Variants in TRIM71 observed in about 807,000 individuals in gnomAD.
TRIM71 encodes the protein E3 ubiquitin-protein ligase TRIM71.
In TRIM71, 9 loss-of-function variants were observed where a neutral mutation model predicts 61.2. The observed-to-expected ratio is 0.15, with a 90% confidence interval of 0.09 to 0.26. The LOEUF (loss-of-function observed/expected upper bound fraction) is 0.26, where lower values mean the gene tolerates loss of function less well. Ranked by LOEUF, TRIM71 falls within the 10% of genes least tolerant of loss-of-function variation. The probability of loss-of-function intolerance (pLI) is 1.00; values close to 1 mark genes in which losing one functional copy is unlikely to be tolerated. For missense variants in TRIM71, 998 were observed against 1,238.7 expected (o/e 0.81, Z 2.92); for synonymous variants, 645 against 553.2 (o/e 1.17, Z -2.33).
Position 32,818,196 on chromosome 3 carries a change from C to A in TRIM71, c.116C>A (p.Ser39Tyr). Residue 39 changes from serine to tyrosine, a missense_variant, in exon 1 of 4, where the codon TCC becomes TAC. Coordinates refer to ENST00000383763, the MANE Select transcript of TRIM71 (RefSeq NM_001039111.3). ...GCGTCGTCGTCCTCCTCGCAGACGT[C>A]CACGTCGTCGGGGGGCGGCGGCGGG... ...SSASSSSSQTSTSSGGGGGGP... is the reference protein window; with the variant it reads ...SSASSSSSQTYTSSGGGGGGP... 6.3e-7 allele frequency: 1 copy of A among 1,577,900 alleles called. No homozygotes were observed. The highest frequency in any genetic ancestry group is 1.1e-5 in the South Asian group (1 of 89,008).
At chr3:32,854,780 C>T (rs994362098) in intron 1 of TRIM71, among the ~76,000 whole-genome samples, 4 of 152,162 alleles carry the variant, frequency 2.6e-5, no homozygotes, top group African/African-American at 7.2e-5. Flanking sequence ...TTGCATAAGC[C>T]GTTATTTCCT....
At position 32,886,012 on chromosome 3, in the gene TRIM71, G is replaced by T; in HGVS notation, c.1099G>T (p.Val367Leu). 1 of 1,614,172 alleles carries T rather than the reference G, an allele frequency of 6.2e-7. No individual in the cohort carries two copies. Among genetic ancestry groups the T allele is most frequent in the Non-Finnish European group, 8.5e-7 (1 of 1,180,028 alleles). The change falls in exon 3 of 4, where the codon GTG (valine) becomes TTG (leucine). Residue 367 changes from valine to leucine, a missense_variant. Val to Leu is a conservative substitution (Grantham distance 32). Around this residue, in one of 5 missense-constraint regions of TRIM71, gnomAD observed 291 missense variants for 431.2 expected, o/e 0.67. Transcript: ENST00000383763. Reference protein sequence around the residue: ...AKVVQSEVKAVTARHKKALEE... With the variant: ...AKVVQSEVKALTARHKKALEE... ...GGTTGTGCAGTCGGAGGTCAAAGCCGTGACGGCGAGGCATAAGAAAGCCCT... is the reference window on the plus strand; with the variant it reads ...GGTTGTGCAGTCGGAGGTCAAAGCCTTGACGGCGAGGCATAAGAAAGCCCT...
chr3:32,882,586 C>T (rs892163661), intron 2 of TRIM71, among the ~76,000 whole-genome samples: 2 of 152,204 alleles, frequency 1.3e-5, no homozygotes, highest in Middle Eastern at 3.4e-3. Context: ...CTCTGTCACC[C>T]AGGCTGGGGG....
intron 1 of TRIM71, among the ~76,000 whole-genome samples, chr3:32,873,068 C>CCTCT (rs1175070781): frequency 3.7e-5 from 3 of 80,494 alleles, no homozygotes; most frequent in Non-Finnish European, 9.1e-5. Flanking sequence ...TCTCTTCCTC[C>CCTCT]CTCCCTCCCT....
chr3:32,882,727 A>G lies in TRIM71; in HGVS notation c.1021-3207A>G, dbSNP rs572920085. 2.1e-4 allele frequency among the ~76,000 whole-genome samples: 32 copies of G among 152,196 alleles called. 1 individual carries two copies. The highest frequency in any genetic ancestry group is 1.4e-3 in the Admixed American group (22 of 15,286). ...ATGCCTGGCTAATTTATTTTTTTGT[A>G]GAGACGGGGTCTCACTCTTGGCCAG... On this transcript the variant is annotated intron_variant, in intron 2 of 3. Coordinates refer to ENST00000383763, the MANE Select transcript of TRIM71 (RefSeq NM_001039111.3).
chr3:32,841,418 C>T (rs1575345631), intron 1 of TRIM71, among the ~76,000 whole-genome samples: 1 of 152,062 alleles, frequency 6.6e-6, no homozygotes, highest in South Asian at 2.1e-4. Context: ...TGGCTCACGC[C>T]TCTAATCCCA....
At chr3:32,871,292 C>A (rs186888697) in intron 1 of TRIM71, among the ~76,000 whole-genome samples, 4 of 152,152 alleles carry the variant, frequency 2.6e-5, no homozygotes, top group Non-Finnish European at 4.4e-5. Flanking sequence ...TAGGTAGTTA[C>A]AATTTGCAAG....
intron 1 of TRIM71, among the ~76,000 whole-genome samples, chr3:32,861,563 C>CA (rs1453797380): frequency 6.6e-6 from 1 of 152,070 alleles, no homozygotes; most frequent in Non-Finnish European, 1.5e-5. Flanking sequence ...CCTGTCTCTA[C>CA]AAAAAAATAA....
intron 1 of TRIM71, among the ~76,000 whole-genome samples, chr3:32,850,350 A>C (rs1696524354): frequency 6.6e-6 from 1 of 152,214 alleles, no homozygotes; most frequent in Non-Finnish European, 1.5e-5. Flanking sequence ...GGATTTTTGC[A>C]AAAGGCATTT....
chr3:32,886,619 C>G (rs1045610435), intron 3 of TRIM71, among the ~76,000 whole-genome samples: 1 of 152,188 alleles, frequency 6.6e-6, no homozygotes, highest in Non-Finnish European at 1.5e-5. Context: ...TTTTATGTCC[C>G]CACTCAGAAA....
rs774383473 is a variant in TRIM71, at chr3:32,891,583, G to T, written c.2379G>T (p.Gln793His). 1.2e-6 allele frequency: 2 copies of T among 1,613,710 alleles called. No individual in the cohort carries two copies. The highest frequency in any genetic ancestry group is 4.5e-5 in the East Asian group (2 of 44,882). Residue 793 changes from glutamine to histidine, a missense_variant, in exon 4 of 4, where the codon CAG (glutamine) becomes CAT (histidine). Physicochemically the swap from Gln to His is conservative, Grantham distance 24 (BLOSUM62 0). Transcript: ENST00000383763. The surrounding 1 kb of genome is among the most constrained non-coding windows in gnomAD (Gnocchi z 8.2). ...GCTCGGAGGGCACAGGCAATGGGCA[G>T]TTCCTGCGCCCACAAGGGGTAGCTG... ...FLGSEGTGNG[Q>H]FLRPQGVAVD...
chr3:32,889,888 G>A (rs1336589457), intron 3 of TRIM71, among the ~76,000 whole-genome samples: 2 of 141,062 alleles, frequency 1.4e-5, no homozygotes, highest in East Asian at 3.9e-4. Context: ...GTGCGTGTAT[G>A]TGTGTGTGTG....
intron 1 of TRIM71, among the ~76,000 whole-genome samples, chr3:32,863,802 T>C (rs1270194843): frequency 8.6e-5 from 13 of 152,026 alleles, no homozygotes; most frequent in Non-Finnish European, 1.6e-4. Flanking sequence ...CTGCCTCAGC[T>C]TCTTGAGTAG....
rs1277847069 is a variant in TRIM71 at position 32,890,307 on chromosome 3, T to C, written c.1156-53T>C. ...TAGTTGTGGCTTATGTGGTATTTTC[T>C]GTGCTTGGCTCTAAGCCTCTGTGTC... On this transcript the variant is annotated intron_variant, in intron 3 of 3. Coordinates refer to ENST00000383763, the MANE Select transcript of TRIM71 (RefSeq NM_001039111.3). The surrounding 1 kb of genome is among the most constrained non-coding windows in gnomAD (Gnocchi z 6.2). 1 of 1,561,506 alleles carries C rather than the reference T, an allele frequency of 6.4e-7. No individual in the cohort carries two copies. The highest frequency in any genetic ancestry group is 8.7e-7 in the Non-Finnish European group (1 of 1,150,160).
At chr3:32,878,542 G>C (rs1696874394) in intron 2 of TRIM71, among the ~76,000 whole-genome samples, 1 of 152,224 alleles carries the variant, frequency 6.6e-6, no homozygotes, top group Non-Finnish European at 1.5e-5. Context: ...TGGAACCCAA[G>C]AGGCGGAGGT....
chr3:32,867,482 G>C (rs1050336693), intron 1 of TRIM71, among the ~76,000 whole-genome samples: 2 of 151,884 alleles, frequency 1.3e-5, no homozygotes, highest in Admixed American at 1.3e-4. Context: ...ACAGGGTCTC[G>C]GGCTCTGTGG....
chr3:32,841,059 A>G (rs553558273), intron 1 of TRIM71, among the ~76,000 whole-genome samples: 8 of 151,670 alleles, frequency 5.3e-5, no homozygotes, highest in Non-Finnish European at 1.2e-4. Context: ...ATCCTGGCTA[A>G]CCTGGTGAAA....
intron 3 of TRIM71, among the ~76,000 whole-genome samples, chr3:32,889,886 A>G (rs1231848716): frequency 2.1e-5 from 3 of 144,770 alleles, no homozygotes; most frequent in African/African-American, 7.5e-5. Flanking sequence ...GCGTGCGTGT[A>G]TGTGTGTGTG....
chr3:32,827,385 C>T (rs1696215534), intron 1 of TRIM71, among the ~76,000 whole-genome samples: 1 of 150,786 alleles, frequency 6.6e-6, no homozygotes, highest in South Asian at 2.1e-4. Flanking sequence ...TGCCTCGTCT[C>T]ACGAGTAGCT....
Sources: allele counts gnomAD v4.1 joint callset (sites outside exome capture counted in the v4.1 genomes callset), GRCh38; gene constraint gnomAD v4.1.1; regional missense constraint gnomAD v4.1.1; non-coding constraint Gnocchi (gnomAD v3.1); transcripts MANE v1.5; gene names NCBI Gene and HGNC (gene_info 2026-07-23, HGNC 2026-07-21).